The following TMPRSS7 variants were observed in gnomAD, a reference collection of about 807,000 sequenced individuals.
TMPRSS7 encodes transmembrane protease serine 7.
TMPRSS7 carries 81 observed loss-of-function variants against 95.6 expected under a neutral mutation model. The ratio of observed to expected loss-of-function variants is 0.85; its 90% confidence interval spans 0.71 to 1.02. The LOEUF is 1.02. Ranked by LOEUF, TMPRSS7 falls within the 50% of genes least tolerant of loss-of-function variation. TMPRSS7 has a pLI of 0.00. For missense variants in TMPRSS7, 945 were observed against 955.2 expected, an observed-to-expected ratio of 0.99 and a Z score of 0.14; for synonymous variants, 364 against 337.8, an observed-to-expected ratio of 1.08 and a Z score of -0.85.
exon 15 of TMPRSS7, chr3:112,075,424 C>T: frequency 6.4e-7 from 1 of 1,553,330 alleles, no homozygotes; most frequent in Non-Finnish European, 8.7e-7. Context: ...TTGGATCTGC[C>T]TACTGTGGTG....
chr3:112,075,383 G>T lies in TMPRSS7; in HGVS notation c.1846G>T (p.Gly616Cys), dbSNP rs780213102. 20 of 1,523,968 alleles carry T rather than the reference G, an allele frequency of 1.3e-5. No individual in the cohort carries two copies. The East Asian group carries it at 5.2e-4, about 40-fold the overall frequency. The allele number at this position is 1,523,968 out of a possible 1,614,324, so 94.4% of individuals were successfully genotyped here. ...CGGAGGCACAGACACCCTGGAGGGG[G>T]GTTGGCCGTGGCAGGTCAGCCTCCA... Residue 616 changes from glycine to cysteine, a missense_variant, in exon 15 of 18, where the codon GGT (glycine) becomes TGT (cysteine). Physicochemically the swap from Gly to Cys is radical, Grantham distance 159. Coordinates refer to ENST00000452346, the Ensembl canonical transcript of TMPRSS7.
intron 15 of TMPRSS7, 77 bp from the exon 16 acceptor site, chr3:112,076,799 C>T (rs956411206): frequency 6.5e-7 from 1 of 1,529,950 alleles, no homozygotes; most frequent in Non-Finnish European, 8.9e-7. Flanking sequence ...CAGCCCTCAA[C>T]TCTTTAGAGT....
chr3:112,063,536 G>A (rs747138409), exon 12 of TMPRSS7: 1 of 1,613,852 alleles, frequency 6.2e-7, no homozygotes, highest in African/African-American at 1.3e-5. Flanking sequence ...CTGCCCTGTT[G>A]GATCTTTTAG....
At chr3:112,071,795 A>T (rs1576120773) in intron 13 of TMPRSS7, among the ~76,000 whole-genome samples, 1 of 152,178 alleles carries the variant, frequency 6.6e-6, no homozygotes, top group African/African-American at 2.4e-5. Context: ...TTTCAGCTCC[A>T]TCAGGTCATT....
At chr3:112,057,683 T>C (rs564604237) in intron 10 of TMPRSS7, among the ~76,000 whole-genome samples, 1 of 152,328 alleles carries the variant, frequency 6.6e-6, no homozygotes, top group African/African-American at 2.4e-5. Flanking sequence ...TATAACAGAT[T>C]ACATAGGCAC....
At chr3:112,076,762 C>A in intron 15 of TMPRSS7, 114 bp from the exon 16 acceptor site, 1 of 1,251,948 alleles carries the variant, frequency 8.0e-7, no homozygotes, top group Non-Finnish European at 1.1e-6. Flanking sequence ...ACTATAATAA[C>A]ACCCTGGAAG....
At chr3:112,078,689 A>G (rs1559965475) in intron 16 of TMPRSS7, 53 bp from the exon 17 acceptor site, 2 of 1,609,002 alleles carry the variant, frequency 1.2e-6, no homozygotes. Flanking sequence ...GAAGTCCTGA[A>G]TACATGCGGC....
exon 16 of TMPRSS7, chr3:112,077,075 C>T (rs2107764379): frequency 6.2e-7 from 1 of 1,614,212 alleles, no homozygotes; most frequent in Non-Finnish European, 8.5e-7. Context: ...ATGCATTCCT[C>T]CCACTGGTCA....
chr3:112,061,975 A>G, intron 11 of TMPRSS7, 52 bp downstream of exon 11: 1 of 1,398,896 alleles, frequency 7.1e-7, no homozygotes, highest in African/African-American at 1.4e-5. Context: ...ATAGAGGATA[A>G]CATTTTATAA....
At chr3:112,069,867 T>G (rs925500238) in intron 13 of TMPRSS7, among the ~76,000 whole-genome samples, 8 of 152,220 alleles carry the variant, frequency 5.3e-5, no homozygotes, top group African/African-American at 1.9e-4. Context: ...TGCCTTCTGC[T>G]AGCTTTTGAA....
exon 9 of TMPRSS7, chr3:112,050,700 A>G (rs757209497): frequency 6.2e-7 from 1 of 1,605,418 alleles, no homozygotes; most frequent in Non-Finnish European, 8.5e-7. Flanking sequence ...GGTCAAAGAC[A>G]TCACTGGCTT....
intron 3 of TMPRSS7, 22 bp from the exon 4 acceptor site, chr3:112,044,233 T>C (rs1178283755): frequency 6.6e-7 from 1 of 1,504,776 alleles, no homozygotes; most frequent in East Asian, 2.5e-5. Context: ...ATACTTCAGA[T>C]ACCTCAACTA....
chr3:112,043,259 G>A (rs2073235161), intron 3 of TMPRSS7, among the ~76,000 whole-genome samples: 1 of 152,160 alleles, frequency 6.6e-6, no homozygotes, highest in Non-Finnish European at 1.5e-5. Flanking sequence ...GTACTGAACA[G>A]TGTAGGCAAT....
At chr3:112,036,248 A>G (rs1463694637) in intron 1 of TMPRSS7, among the ~76,000 whole-genome samples, 1 of 152,218 alleles carries the variant, frequency 6.6e-6, no homozygotes, top group African/African-American at 2.4e-5. Flanking sequence ...ACAATATAAT[A>G]CAAACATGTG....
chr3:112,051,506 G>A (rs12489437), intron 9 of TMPRSS7, among the ~76,000 whole-genome samples: 46,434 of 150,690 alleles, frequency 0.31, 7,260 homozygotes, highest in African/African-American at 0.34. Context: ...GAGTGCAAAT[G>A]TATACGAAAT....
At chr3:112,070,526 T>C (rs1459746599) in intron 13 of TMPRSS7, among the ~76,000 whole-genome samples, 1 of 152,220 alleles carries the variant, frequency 6.6e-6, no homozygotes, top group East Asian at 1.9e-4. Flanking sequence ...ATTGGGTGCA[T>C]ATATATTTAG....
intron 9 of TMPRSS7, among the ~76,000 whole-genome samples, chr3:112,051,153 C>G (rs764845598): frequency 1.3e-5 from 2 of 152,060 alleles, no homozygotes; most frequent in African/African-American, 2.4e-5. Flanking sequence ...ATACAGTCAG[C>G]CCTCTGTATC....
chr3:112,057,080 A>G (rs1371240996), exon 10 of TMPRSS7: 15 of 1,613,482 alleles, frequency 9.3e-6, no homozygotes, highest in Non-Finnish European at 1.1e-5. Flanking sequence ...TCAATAACCA[A>G]GAAGAGTATG....
chr3:112,060,280 C>T (rs1184461545), intron 10 of TMPRSS7, among the ~76,000 whole-genome samples: 3 of 152,138 alleles, frequency 2.0e-5, no homozygotes, highest in South Asian at 4.2e-4. Flanking sequence ...AAGTTTCGGG[C>T]ACACATTGTC....
Sources: allele counts gnomAD v4.1 joint callset (sites outside exome capture counted in the v4.1 genomes callset), GRCh38; gene constraint gnomAD v4.1.1; transcripts MANE v1.5; gene names NCBI Gene and HGNC (gene_info 2026-07-23, HGNC 2026-07-21).